MDGA2: variants seen among roughly 807,000 people sequenced by gnomAD.
MDGA2 encodes the protein MAM domain containing glycosylphosphatidylinositol anchor 2.
A neutral mutation model predicts 117.8 loss-of-function variants in MDGA2; 40 were observed. The ratio of observed to expected loss-of-function variants is 0.34; its 90% CI spans 0.26 to 0.44. The LOEUF is 0.44. MDGA2 is among the 20% of genes least tolerant of loss of function. The pLI is 1.00. For missense variants in MDGA2, 1,123 were observed against 1,250.6 expected (o/e 0.90, Z 1.54); for synonymous variants, 452 against 439.0 (o/e 1.03, Z -0.37).
intron 1 of MDGA2, among the ~76,000 whole-genome samples, chr14:47,667,885 C>T (rs999278511): frequency 6.6e-6 from 1 of 152,174 alleles, no homozygotes; most frequent in Non-Finnish European, 1.5e-5. Flanking sequence ...TTCAGCCACA[C>T]CACAGTCCTT....
chr14:47,572,522 A>C (rs964084220), intron 1 of MDGA2, among the ~76,000 whole-genome samples: 1 of 152,214 alleles, frequency 6.6e-6, no homozygotes, highest in African/African-American at 2.4e-5. Flanking sequence ...AAAAATGTTT[A>C]AGGGATGAAT....
intron 1 of MDGA2, among the ~76,000 whole-genome samples, chr14:47,380,681 T>C (rs1335148224): frequency 1.3e-5 from 2 of 151,998 alleles, no homozygotes; most frequent in Non-Finnish European, 1.5e-5. Context: ...AATCCCTGAA[T>C]AGGCCAATTA....
At chr14:46,882,786 G>C (rs561076505) in intron 10 of MDGA2, among the ~76,000 whole-genome samples, 1 of 151,882 alleles carries the variant, frequency 6.6e-6, no homozygotes, top group African/African-American at 2.4e-5. Context: ...AGTCATAGTG[G>C]GAAGGCTGGA....
chr14:47,460,183 T>G (rs1436790892), intron 1 of MDGA2, among the ~76,000 whole-genome samples: 1 of 152,174 alleles, frequency 6.6e-6, no homozygotes, highest in Non-Finnish European at 1.5e-5. Flanking sequence ...ATATGCCTAA[T>G]ACAGAAAATA....
intron 1 of MDGA2, among the ~76,000 whole-genome samples, chr14:47,561,446 C>T: frequency 6.6e-6 from 1 of 151,992 alleles, no homozygotes; most frequent in Non-Finnish European, 1.5e-5. Context: ...TCCCTCACCT[C>T]CCCGGTTAAC....
chr14:47,376,826 C>A (rs2138406651), intron 1 of MDGA2, among the ~76,000 whole-genome samples: 1 of 152,202 alleles, frequency 6.6e-6, no homozygotes, highest in African/African-American at 2.4e-5. Flanking sequence ...AATGCATAGC[C>A]TTGAGGGGTT....
At chr14:47,168,631 A>G (rs1264372695) in intron 3 of MDGA2, among the ~76,000 whole-genome samples, 5 of 152,150 alleles carry the variant, frequency 3.3e-5, no homozygotes, top group African/African-American at 1.2e-4. Flanking sequence ...CATGGCACGT[A>G]CTGAGTTCTA....
rs113981136 is a variant in MDGA2, at chr14:47,188,951, T to C, written c.595+29070A>G. On this transcript the variant is annotated intron_variant, in intron 3 of 16. Coordinates refer to ENST00000399232, the MANE Select transcript of MDGA2 (RefSeq NM_001113498.3). ...CTTCAAGTAAAAGGATGAAAATGTG[T>C]GGTGTTTATGCTTGTGGCTACTCCT... Among the ~76,000 whole-genome samples the C allele has an allele frequency of 3.1e-3, 478 of 152,246 alleles. 3 individuals carry two copies. The highest frequency in any genetic ancestry group is 0.011 in the African/African-American group (447 of 41,568).
chr14:47,530,917 C>T (rs866561829), intron 1 of MDGA2, among the ~76,000 whole-genome samples: 31 of 152,240 alleles, frequency 2.0e-4, no homozygotes, highest in Middle Eastern at 3.4e-3. Context: ...ATGTAATCTG[C>T]ACACCTTTAA....
chr14:47,476,625 A>T (rs1893846307), intron 1 of MDGA2, among the ~76,000 whole-genome samples: 1 of 152,148 alleles, frequency 6.6e-6, no homozygotes, highest in South Asian at 2.1e-4. Flanking sequence ...TCTGAGGGAC[A>T]CAGAGTTTAT....
chr14:47,466,992 G>C (rs1275940509), intron 1 of MDGA2, among the ~76,000 whole-genome samples: 1 of 152,106 alleles, frequency 6.6e-6, no homozygotes, highest in African/African-American at 2.4e-5. Flanking sequence ...CCAAGTGTTT[G>C]AGACACACCA....
At chr14:47,002,726 C>T (rs976824571) in intron 8 of MDGA2, among the ~76,000 whole-genome samples, 16 of 150,418 alleles carry the variant, frequency 1.1e-4, no homozygotes, top group Admixed American at 1.0e-3. Context: ...AAGACTCTAT[C>T]TAAAAAAAAA....
At chr14:47,150,043 G>A (rs925255805) in intron 3 of MDGA2, among the ~76,000 whole-genome samples, 4 of 152,316 alleles carry the variant, frequency 2.6e-5, no homozygotes, top group African/African-American at 4.8e-5. Context: ...CAGAATGGAA[G>A]TGGGGTTCTA....
intron 5 of MDGA2, among the ~76,000 whole-genome samples, chr14:47,110,871 A>T (rs945068365): frequency 6.6e-6 from 1 of 152,222 alleles, no homozygotes; most frequent in Non-Finnish European, 1.5e-5. Flanking sequence ...ATTAAAAATC[A>T]CATCAGGGGA....
chr14:47,035,393 G>A, intron 7 of MDGA2, 89 bp from the exon 8 acceptor site: 4 of 1,040,610 alleles, frequency 3.8e-6, no homozygotes, highest in South Asian at 1.6e-5. Flanking sequence ...AACAATTTCT[G>A]CTGGCTGAAG....
chr14:47,381,356 G>C (rs1340257308), intron 1 of MDGA2, among the ~76,000 whole-genome samples: 1 of 152,162 alleles, frequency 6.6e-6, no homozygotes, highest in Non-Finnish European at 1.5e-5. Flanking sequence ...GGAAGTTCTG[G>C]CCAGGGCAAT....
At chr14:47,377,988 C>A (rs1232062510) in intron 1 of MDGA2, among the ~76,000 whole-genome samples, 1 of 152,198 alleles carries the variant, frequency 6.6e-6, no homozygotes, top group Non-Finnish European at 1.5e-5. Flanking sequence ...TCTCATACAG[C>A]TGGGTGCCCC....
At position 47,096,227 on chromosome 14, in the gene MDGA2, T is replaced by C. The variant is rs529856385; in HGVS notation, c.1195+627A>G. The stretch of plus-strand genomic sequence containing the variant: ...TCTCAATTTCAATCTGTCAAAACAC[T>C]ACTCGACCTATAAGACCTAGTATGA... On this transcript the variant is annotated intron_variant, in intron 6 of 16. Coordinates refer to ENST00000399232, the MANE Select transcript of MDGA2 (RefSeq NM_001113498.3). 2.0e-5 allele frequency among the ~76,000 whole-genome samples: 3 copies of C among 152,172 alleles called. No individual in the cohort carries two copies. In the South Asian group the frequency reaches 6.2e-4, roughly 32 times the overall value.
chr14:47,156,428 C>G (rs1883392474), intron 3 of MDGA2, among the ~76,000 whole-genome samples: 1 of 152,042 alleles, frequency 6.6e-6, no homozygotes, highest in South Asian at 2.1e-4. Flanking sequence ...TTGTTTAGTC[C>G]ACTCTCCACT....
Sources: allele counts gnomAD v4.1 joint callset (sites outside exome capture counted in the v4.1 genomes callset), GRCh38; gene constraint gnomAD v4.1.1; transcripts MANE v1.5; gene names NCBI Gene and HGNC (gene_info 2026-07-23, HGNC 2026-07-21).